The following NSMCE3 variants were observed in gnomAD, a reference collection of about 807,000 sequenced individuals.
The protein encoded by NSMCE3 is NSE3 component of SMC5/6 complex.
For synonymous variants in NSMCE3, 214 were observed against 172.2 expected, an observed-to-expected ratio of 1.24 and a Z score of -1.90; for missense variants, 452 against 399.5, an observed-to-expected ratio of 1.13 and a Z score of -1.12.
chr15:29,268,692 G>A lies in NSMCE3; in HGVS notation c.*99C>T, dbSNP rs1409488663. 2.4e-6 allele frequency: 3 copies of A among 1,246,366 alleles called. No individual in the cohort carries two copies. Among genetic ancestry groups the A allele is most frequent in the Non-Finnish European group, 3.3e-6 (3 of 898,936 alleles). 77.2% of individuals were successfully genotyped at this position (1,246,366 alleles called of 1,614,324 possible). A position where few individuals can be genotyped will look rare whatever the true frequency, so the allele number is the denominator to read the frequency against. ...AGCTACACACATTGAAGCGTTTACA[G>A]CAATATGCTCCCTGGGTTCGTTCTC... On this transcript the variant is annotated 3_prime_UTR_variant, in exon 1 of 1. Transcript: ENST00000332303.
At position 29,268,571 on chromosome 15, in the gene NSMCE3, A is replaced by G; in HGVS notation, c.*220T>C. 2.1e-6 allele frequency: 1 copy of G among 466,694 alleles called. No homozygotes were observed. 28.9% of individuals were successfully genotyped at this position (466,694 alleles called of 1,614,324 possible). Reference sequence around the variant, plus strand: ...TAGCAAAATTTTTTATACCAAAAAGAGTAAAATCAAAACAAATGCTCCTTT... The same window carrying G: ...TAGCAAAATTTTTTATACCAAAAAGGGTAAAATCAAAACAAATGCTCCTTT... On this transcript the variant is annotated 3_prime_UTR_variant, in exon 1 of 1. Coordinates refer to ENST00000332303, the MANE Select transcript of NSMCE3 (RefSeq NM_138704.4).
rs1458916969 is a variant in NSMCE3, at chr15:29,269,169, CAGGAGGCCCGT to C, written c.526_536del (p.Thr176AspfsTer18). 1.9e-6 allele frequency: 3 copies of C among 1,614,066 alleles called. No homozygotes were observed. Among genetic ancestry groups the C allele is most frequent in the Non-Finnish European group, 2.5e-6 (3 of 1,180,050 alleles). The stretch of plus-strand genomic sequence containing the variant: ...TAAAGATGAGCCCTAAGACGATCAT[CAGGAGGCCCGT>C]AGTGGGCGTGCCTTGGTCACCCCTC... On this transcript the variant is annotated frameshift_variant, in exon 1 of 1. Coordinates refer to ENST00000332303, the MANE Select transcript of NSMCE3 (RefSeq NM_138704.4). LOFTEE classifies it low-confidence loss of function (END_TRUNC).
Position 29,267,526 on chromosome 15 carries a change from T to C in NSMCE3, c.*1265A>G, listed in dbSNP as rs1036166535. 3.3e-5 allele frequency: 5 copies of C among 152,190 alleles called. No individual in the cohort carries two copies. The highest frequency in any genetic ancestry group is 7.3e-5 in the Non-Finnish European group (5 of 68,042). 9.4% of individuals were successfully genotyped at this position (152,190 alleles called of 1,614,324 possible). A position where few individuals can be genotyped will look rare whatever the true frequency, so the allele number is the denominator to read the frequency against. On this transcript the variant is annotated 3_prime_UTR_variant, in exon 1 of 1. Transcript: ENST00000332303. Reference sequence around the variant, plus strand: ...CATGAGCCGTAATTCAAATTCAGTTTGCCAGACAGCCCCAAGACCCATACC... The same window carrying C: ...CATGAGCCGTAATTCAAATTCAGTTCGCCAGACAGCCCCAAGACCCATACC...
Position 29,269,238 on chromosome 15 carries a change from G to A in NSMCE3, c.468C>T (p.Asn156=), listed in dbSNP as rs779897906. ...EPKSNTYILI[N]TLEPVEEDAE... ...CATCCTCCTCCACAGGCTCCAGGGT[G>A]TTGATGAGGATGTAAGTGTTGCTCT... is the stretch of plus-strand genomic sequence containing the variant. Residue 156 remains asparagine, a synonymous_variant, in exon 1 of 1, where the codon AAC becomes AAT. Coordinates refer to ENST00000332303, the MANE Select transcript of NSMCE3 (RefSeq NM_138704.4). The A allele has an allele frequency of 2.2e-5, 35 of 1,614,028 alleles. No homozygotes were observed. Among genetic ancestry groups the A allele is most frequent in the Non-Finnish European group, 2.9e-5 (34 of 1,180,044 alleles).
chr15:29,269,118 A>G lies in NSMCE3; in HGVS notation c.588T>C (p.Thr196=). 1 of 1,614,132 alleles carries G rather than the reference A, an allele frequency of 6.2e-7. No homozygotes were observed. Among genetic ancestry groups the G allele is most frequent in the Non-Finnish European group, 8.5e-7 (1 of 1,180,018 alleles). ...AGCGCCGCAGAAAGTCCCAGGCTTC[A>G]GTTTCCTTGATGGTGTTGCCCTTCA... The part of the protein sequence containing the change: ...IFMKGNTIKE[T]EAWDFLRRLG... The change falls in exon 1 of 1, where the codon ACT becomes ACC. Residue 196 remains threonine, a synonymous_variant. Transcript: ENST00000332303.
In NSMCE3 at chr15:29,269,339, A is replaced by C. The variant is rs1246819688; in HGVS notation, c.367T>G (p.Phe123Val). Residue 123 changes from phenylalanine to valine, a missense_variant, in exon 1 of 1, where the codon TTC becomes GTC. Phe to Val is a conservative substitution (Grantham distance 50). Coordinates refer to ENST00000332303, the MANE Select transcript of NSMCE3 (RefSeq NM_138704.4). ...GCGGCCCGTTTGAAGAGGTCGGGGA[A>C]GATGTCCTTGTAGTCCCCGATGACG... ...KHVIGDYKDI[F>V]PDLFKRAAER... 7 of 1,614,074 alleles carry C rather than the reference A, an allele frequency of 4.3e-6. No individual in the cohort carries two copies. The highest frequency in any genetic ancestry group is 5.1e-6 in the Non-Finnish European group (6 of 1,180,036).
At position 29,269,596 on chromosome 15, in the gene NSMCE3, C is replaced by CGTT. The variant is rs1308221467; in HGVS notation, c.109_110insAAC (p.Ala36_Arg37insGln). 1 of 1,553,948 alleles carries CGTT rather than the reference C, an allele frequency of 6.4e-7. No individual in the cohort carries two copies. Among genetic ancestry groups the CGTT allele is most frequent in the East Asian group, 2.6e-5 (1 of 38,738 alleles). ...CTCGGCAAAGCCGTCTCTGAGAACC[C>CGTT]GGGCGTCTTCCCCGGCCCGCGAAGC... On this transcript the variant is annotated inframe_insertion, in exon 1 of 1. Coordinates refer to ENST00000332303, the MANE Select transcript of NSMCE3 (RefSeq NM_138704.4).
Position 29,269,249 on chromosome 15 carries a change from TGTAA to T in NSMCE3, c.453_456del (p.Tyr152SerfsTer15), listed in dbSNP as rs1385646762. 6.2e-7 allele frequency: 1 copy of T among 1,614,036 alleles called. No homozygotes were observed. Among genetic ancestry groups the T allele is most frequent in the East Asian group, 2.2e-5 (1 of 44,872 alleles). On this transcript the variant is annotated frameshift_variant, in exon 1 of 1. Coordinates refer to ENST00000332303, the MANE Select transcript of NSMCE3 (RefSeq NM_138704.4). LOFTEE classifies it low-confidence loss of function (END_TRUNC). ...ACAGGCTCCAGGGTGTTGATGAGGA[TGTAA>T]GTGTTGCTCTTGGGTTCAAGTTCCA...
chr15:29,269,561 T>G lies in NSMCE3; in HGVS notation c.145A>C (p.Ser49Arg), dbSNP rs778266826. 5.5e-5 allele frequency: 84 copies of G among 1,525,024 alleles called. 1 individual carries two copies. The South Asian group carries it at 9.7e-4, about 18-fold the overall frequency. 94.5% of individuals were successfully genotyped at this position (1,525,024 alleles called of 1,614,324 possible). A position where few individuals can be genotyped will look rare whatever the true frequency, so the allele number is the denominator to read the frequency against. Residue 49 changes from serine (S) to arginine (R), a missense_variant, in exon 1 of 1, where the codon AGC (serine) becomes CGC (arginine). By Grantham distance (110) the Ser-to-Arg change is moderately radical. Transcript: ENST00000332303. ...LRDGFAEEAP[S>R]TSRGPGGSQG... ...GAGCCGCCCGGCCCGCGGGACGTGCTCGGGGCCTCCTCGGCAAAGCCGTCT... is the reference window on the plus strand; with the variant it reads ...GAGCCGCCCGGCCCGCGGGACGTGCGCGGGGCCTCCTCGGCAAAGCCGTCT...
chr15:29,268,947 T>C lies in NSMCE3; in HGVS notation c.759A>G (p.Arg253=), dbSNP rs1363765310. 1.2e-6 allele frequency: 2 copies of C among 1,614,104 alleles called. No individual in the cohort carries two copies. The highest frequency in any genetic ancestry group is 3.3e-5 in the Admixed American group (2 of 60,014). ...TCATCTTGCTGGTTTCCAGGTTGGT[T>C]CGCGGGCCCCACTGGAATTCGTAGT... ...PVDYEFQWGP[R]TNLETSKMKV... Residue 253 remains arginine (R), a synonymous_variant, in exon 1 of 1, where the codon CGA becomes CGG. Transcript: ENST00000332303.
In NSMCE3 at chr15:29,269,562, C is replaced by T. The variant is rs1354485162; in HGVS notation, c.144G>A (p.Pro48=). 1 of 1,525,716 alleles carries T rather than the reference C, an allele frequency of 6.6e-7. No individual in the cohort carries two copies. The highest frequency in any genetic ancestry group is 2.7e-5 in the East Asian group (1 of 36,628). The allele number at this position is 1,525,716 out of a possible 1,614,324, so 94.5% of individuals were successfully genotyped here. A position where few individuals can be genotyped will look rare whatever the true frequency, so the allele number is the denominator to read the frequency against. The change falls in exon 1 of 1, where the codon CCG becomes CCA. Residue 48 remains proline, a synonymous_variant. Transcript: ENST00000332303. ...VLRDGFAEEA[P]STSRGPGGSQ... ...AGCCGCCCGGCCCGCGGGACGTGCT[C>T]GGGGCCTCCTCGGCAAAGCCGTCTC...
In NSMCE3 at chr15:29,269,503, G is replaced by A. The variant is rs1284301895; in HGVS notation, c.203C>T (p.Ala68Val). 3 of 1,600,956 alleles carry A rather than the reference G, an allele frequency of 1.9e-6. No individual in the cohort carries two copies. The highest frequency in any genetic ancestry group is 2.6e-6 in the Non-Finnish European group (3 of 1,175,206). The change falls in exon 1 of 1, where the codon GCC becomes GTC. Residue 68 changes from alanine (A) to valine (V), a missense_variant. Ala to Val is a moderately conservative substitution (Grantham distance 64). Transcript: ENST00000332303. ...QGSQGPSPQGARRAQAAPAVG... is the reference protein window; with the variant it reads ...QGSQGPSPQGVRRAQAAPAVG... The stretch of plus-strand genomic sequence containing the variant: ...GGCGGGGGCGGCCTGGGCCCGGCGG[G>A]CGCCCTGAGGCGAGGGGCCCTGCGA...
Position 29,266,283 on chromosome 15 carries a change from A to G in NSMCE3, c.*2508T>C, listed in dbSNP as rs2043475818. ...CCAGAATGGCTGAAAAGATACTGAA[A>G]AGGCCAAGTGTTCACAGGGGGTGAA... is the stretch of plus-strand genomic sequence containing the variant. On this transcript the variant is annotated 3_prime_UTR_variant, in exon 1 of 1. Transcript: ENST00000332303. The G allele has an allele frequency of 6.6e-6, 1 of 152,244 alleles. No individual in the cohort carries two copies. The highest frequency in any genetic ancestry group is 1.5e-5 in the Non-Finnish European group (1 of 68,054). The allele number at this position is 152,244 out of a possible 1,614,324, so 9.4% of individuals were successfully genotyped here.
Position 29,268,392 on chromosome 15 carries a change from TAA to T in NSMCE3, c.*397_*398del. The T allele has an allele frequency of 5.7e-6, 1 of 174,840 alleles. No homozygotes were observed. Among genetic ancestry groups the T allele is most frequent in the Non-Finnish European group, 1.2e-5 (1 of 84,064 alleles). The allele number at this position is 174,840 out of a possible 1,614,324, so 10.8% of individuals were successfully genotyped here. On this transcript the variant is annotated 3_prime_UTR_variant, in exon 1 of 1. Coordinates refer to ENST00000332303, the MANE Select transcript of NSMCE3 (RefSeq NM_138704.4). ...TAGGCAATTATTTTTTTTAATTTTA[TAA>T]AAACTTTTATTTTTCCTTACAAACT...
chr15:29,269,804 C>G lies in NSMCE3; in HGVS notation c.-99G>C. 1.7e-6 allele frequency: 2 copies of G among 1,181,904 alleles called. No individual in the cohort carries two copies. The highest frequency in any genetic ancestry group is 2.2e-6 in the Non-Finnish European group (2 of 893,048). 73.2% of individuals were successfully genotyped at this position (1,181,904 alleles called of 1,614,324 possible). On this transcript the variant is annotated 5_prime_UTR_variant, in exon 1 of 1. Transcript: ENST00000332303. ...GCTAACGCCGGTGCCTGGAGGCGCG[C>G]GCAGTGTCGGCTGAGACTGCGTGCT...
In NSMCE3 at chr15:29,268,739, T is replaced by C; in HGVS notation, c.*52A>G. The C allele has an allele frequency of 6.5e-7, 1 of 1,538,452 alleles. No homozygotes were observed. The highest frequency in any genetic ancestry group is 2.3e-5 in the East Asian group (1 of 44,246). ...TCTCCCTTCCCCCAATCCTCTAAAC[T>C]GTGCCTTTGGGTCTCAGACCCTTGT... On this transcript the variant is annotated 3_prime_UTR_variant, in exon 1 of 1. Transcript: ENST00000332303.
rs1301942133 is a variant in NSMCE3, at chr15:29,269,448, C to T, written c.258G>A (p.Glu86=). 1.7e-5 allele frequency: 27 copies of T among 1,613,984 alleles called. No homozygotes were observed. The highest frequency in any genetic ancestry group is 2.3e-5 in the Non-Finnish European group (27 of 1,180,012). ...ACTGCACCAGCTCGGACACTTTCAG[C>T]TCCAGCTGCTTCTGGCTCCTGGGCC... The part of the protein sequence containing the change: ...AVGPRSQKQL[E]LKVSELVQFL... Residue 86 remains glutamate (E), a synonymous_variant, in exon 1 of 1, where the codon GAG becomes GAA. Transcript: ENST00000332303.
At position 29,268,876 on chromosome 15, in the gene NSMCE3, TC is replaced by T; in HGVS notation, c.829del (p.Asp277ThrfsTer48). 1 of 1,614,126 alleles carries T rather than the reference TC, an allele frequency of 6.2e-7. No homozygotes were observed. The highest frequency in any genetic ancestry group is 1.1e-5 in the South Asian group (1 of 91,070). On this transcript the variant is annotated frameshift_variant, in exon 1 of 1. Transcript: ENST00000332303. LOFTEE classifies it low-confidence loss of function (END_TRUNC). ...AGCCTCACAGTACTGCGCTGGCCAG[TC>T]CTTGGGGTCTTGATTATGGACCTTG... ...VAKVHNQDPK[D>X]WPAQYCEALA...
In NSMCE3 at chr15:29,269,415, C is replaced by A; in HGVS notation, c.291G>T (p.Leu97=). The A allele has an allele frequency of 6.2e-7, 1 of 1,614,172 alleles. No individual in the cohort carries two copies. The highest frequency in any genetic ancestry group is 2.2e-5 in the East Asian group (1 of 44,848). The part of the protein sequence containing the change: ...LKVSELVQFL[L]IKDQKKIPIK... Reference sequence around the variant, plus strand: ...TCGGAATCTTCTTCTGGTCTTTAATCAGCAAGAACTGCACCAGCTCGGACA... The same window carrying A: ...TCGGAATCTTCTTCTGGTCTTTAATAAGCAAGAACTGCACCAGCTCGGACA... Residue 97 remains leucine, a synonymous_variant, in exon 1 of 1, where the codon CTG becomes CTT. Coordinates refer to ENST00000332303, the MANE Select transcript of NSMCE3 (RefSeq NM_138704.4).
Sources: gnomAD v4.1 joint callset for allele counts on GRCh38, gnomAD v4.1.1 for gene constraint, MANE v1.5 for transcripts, NCBI Gene and HGNC (gene_info 2026-07-23, HGNC 2026-07-21) for gene names.